TAB1: variants seen among roughly 807,000 people sequenced by gnomAD.
TAB1 encodes TGF-beta activated kinase 1 (MAP3K7) binding protein 1, also known as TGF-beta-activated kinase 1 and MAP3K7-binding protein 1.
In TAB1, 30 loss-of-function variants were observed where a neutral mutation model predicts 54.5. The observed-to-expected ratio is 0.55, with a 90% confidence interval of 0.41 to 0.75. The LOEUF is 0.75. Ranked by LOEUF, TAB1 falls within the 30% of genes least tolerant of loss-of-function variation. TAB1 has a pLI of 0.00. For missense variants in TAB1, 609 were observed against 683.2 expected (o/e 0.89, Z 1.21); for synonymous variants, 289 against 286.9 (o/e 1.01, Z -0.07).
intron 4 of TAB1, among the ~76,000 whole-genome samples, chr22:39,417,172 A>G (rs1290054515): frequency 6.6e-6 from 1 of 152,240 alleles, no homozygotes; most frequent in Non-Finnish European, 1.5e-5. Context: ...CACATCGCCT[A>G]CTGCCACCTG....
intron 5 of TAB1, 122 bp downstream of exon 5, chr22:39,417,971 G>C: frequency 7.7e-7 from 1 of 1,302,314 alleles, no homozygotes; most frequent in Non-Finnish European, 1.0e-6. Flanking sequence ...GGTCTCCTGA[G>C]ACCGTTGGGT....
intron 1 of TAB1, among the ~76,000 whole-genome samples, chr22:39,407,060 G>T (rs1233041777): frequency 6.6e-6 from 1 of 152,210 alleles, no homozygotes; most frequent in Non-Finnish European, 1.5e-5. Flanking sequence ...CAGTCTGGAA[G>T]GCTGGGATGA....
At chr22:39,424,365 C>A (rs1282099742) in intron 8 of TAB1, among the ~76,000 whole-genome samples, 5 of 151,338 alleles carry the variant, frequency 3.3e-5, no homozygotes, top group African/African-American at 1.2e-4. Context: ...GCCCAGACTG[C>A]TGGATTGAAT....
intron 1 of TAB1, among the ~76,000 whole-genome samples, chr22:39,413,468 G>A (rs1288369633): frequency 6.6e-6 from 1 of 151,514 alleles, no homozygotes; most frequent in Non-Finnish European, 1.5e-5. Context: ...CCAGGCTAGA[G>A]TGCAGTGGCA....
rs1467848758 is a variant in TAB1, at chr22:39,430,725, G to T, written c.*503G>T. On this transcript the variant is annotated 3_prime_UTR_variant, in exon 11 of 11. Coordinates refer to ENST00000216160, the MANE Select transcript of TAB1 (RefSeq NM_006116.3). ...CAGAGTGGAACCCAGGCTGGTGTCC[G>T]CATCTGTCCCTGGGCCCCACCCCTG... The T allele has an allele frequency of 2.9e-6, 3 of 1,024,174 alleles. No homozygotes were observed. The African/African-American group carries it at 5.0e-5, about 17-fold the overall frequency. 63.4% of individuals were successfully genotyped at this position (1,024,174 alleles called of 1,614,324 possible). A position where few individuals can be genotyped will look rare whatever the true frequency, so the allele number is the denominator to read the frequency against.
intron 1 of TAB1, among the ~76,000 whole-genome samples, chr22:39,414,521 C>T (rs1926738864): frequency 6.6e-6 from 1 of 152,260 alleles, no homozygotes; most frequent in Non-Finnish European, 1.5e-5. Context: ...CTGAAAGCAT[C>T]ACCCATGGGG....
At chr22:39,420,880 CTCTGTGTG>C (rs1275038073) in intron 7 of TAB1, among the ~76,000 whole-genome samples, 3 of 93,022 alleles carry the variant, frequency 3.2e-5, no homozygotes, top group Admixed American at 1.2e-4. Context: ...GGGTGTCTCT[CTCTGTGTG>C]TGTGTGTGTG....
At chr22:39,411,808 A>G (rs558850776) in intron 1 of TAB1, among the ~76,000 whole-genome samples, 2 of 152,372 alleles carry the variant, frequency 1.3e-5, no homozygotes, top group South Asian at 2.1e-4. Context: ...CATAGTTATA[A>G]GAAACGAAAC....
At chr22:39,422,914 A>C (rs2145676765) in intron 8 of TAB1, among the ~76,000 whole-genome samples, 1 of 152,006 alleles carries the variant, frequency 6.6e-6, no homozygotes, top group South Asian at 2.1e-4. Flanking sequence ...GGCTAAGATA[A>C]GTTCAGTTTG....
At chr22:39,412,706 G>A (rs1044097012) in intron 1 of TAB1, among the ~76,000 whole-genome samples, 10 of 151,980 alleles carry the variant, frequency 6.6e-5, no homozygotes, top group African/African-American at 2.2e-4. Context: ...GCTAACCACA[G>A]GCTTTTTATA....
At chr22:39,428,253 G>A (rs1458758950) in intron 10 of TAB1, 70 bp downstream of exon 10, 2 of 1,120,424 alleles carry the variant, frequency 1.8e-6, no homozygotes, top group African/African-American at 3.1e-5. Context: ...CACCAGGACA[G>A]AAATGGCCAT....
At chr22:39,412,228 C>T (rs1195213425) in intron 1 of TAB1, among the ~76,000 whole-genome samples, 1 of 152,128 alleles carries the variant, frequency 6.6e-6, no homozygotes, top group African/African-American at 2.4e-5. Flanking sequence ...TCAGTAGAGA[C>T]AGGGTTTCGC....
chr22:39,423,583 C>CCA (rs1156423966), intron 8 of TAB1, among the ~76,000 whole-genome samples: 2 of 152,112 alleles, frequency 1.3e-5, no homozygotes, highest in East Asian at 3.9e-4. Context: ...CCAGCCTGAG[C>CCA]AACAGAGCAA....
Position 39,417,750 on chromosome 22 carries a change from A to G in TAB1, c.451A>G (p.Ile151Val), listed in dbSNP as rs1926900299. The G allele has an allele frequency of 6.2e-7, 1 of 1,613,064 alleles. No homozygotes were observed. Among genetic ancestry groups the G allele is most frequent in the Non-Finnish European group, 8.5e-7 (1 of 1,179,542 alleles). ...CCAGCTGCCTCCTCAGTATCAGAAG[A>G]TCCTTGAGAGACTCAAGACGTTAGA... The part of the protein sequence containing the change: ...QHQLPPQYQK[I>V]LERLKTLERE... Residue 151 changes from isoleucine to valine, a missense_variant, in exon 5 of 11, where the codon ATC becomes GTC. Coordinates refer to ENST00000216160, the MANE Select transcript of TAB1 (RefSeq NM_006116.3).
At chr22:39,418,936 G>C (rs2145671867) in intron 6 of TAB1, 91 bp downstream of exon 6, 1 of 1,054,532 alleles carries the variant, frequency 9.5e-7, no homozygotes, top group East Asian at 2.5e-5. Flanking sequence ...TGTGGTAGAG[G>C]GGCTGTGATC....
At chr22:39,429,193 G>A in intron 10 of TAB1, 2 of 985,466 alleles carry the variant, frequency 2.0e-6, no homozygotes, top group Non-Finnish European at 2.4e-6. Flanking sequence ...GCGCTAACAG[G>A]CAGTTCCAGC....
At position 39,430,710 on chromosome 22, in the gene TAB1, C is replaced by T. The variant is rs1293904295; in HGVS notation, c.*488C>T. 3 of 1,028,934 alleles carry T rather than the reference C, an allele frequency of 2.9e-6. No individual in the cohort carries two copies. The African/African-American group carries it at 5.0e-5, about 17-fold the overall frequency. 63.7% of individuals were successfully genotyped at this position (1,028,934 alleles called of 1,614,324 possible). A position where few individuals can be genotyped will look rare whatever the true frequency, so the allele number is the denominator to read the frequency against. The stretch of plus-strand genomic sequence containing the variant: ...CTGTGCTCCTGCATCCAGAGTGGAA[C>T]CCAGGCTGGTGTCCGCATCTGTCCC... On this transcript the variant is annotated 3_prime_UTR_variant, in exon 11 of 11. Transcript: ENST00000216160.
chr22:39,415,283 C>A lies in TAB1; in HGVS notation c.170+141C>A, dbSNP rs930917447. Reference sequence around the variant, plus strand: ...AGAGGTGGCCTCTGCTGCTGTCTTGCCAAGGGCCTGCTCTGATGGGGTAGC... The same window carrying A: ...AGAGGTGGCCTCTGCTGCTGTCTTGACAAGGGCCTGCTCTGATGGGGTAGC... On this transcript the variant is annotated intron_variant, in intron 2 of 10. Coordinates refer to ENST00000216160, the MANE Select transcript of TAB1 (RefSeq NM_006116.3). The surrounding 1 kb of genome is among the most constrained non-coding windows in gnomAD (Gnocchi z 4.9). The A allele has an allele frequency of 8.5e-6, 10 of 1,179,330 alleles. No homozygotes were observed. In the South Asian group the frequency reaches 1.4e-4, roughly 16 times the overall value. The allele number at this position is 1,179,330 out of a possible 1,614,324, so 73.1% of individuals were successfully genotyped here.
At chr22:39,424,657 AG>A (rs1322231529) in intron 8 of TAB1, among the ~76,000 whole-genome samples, 2 of 152,038 alleles carry the variant, frequency 1.3e-5, no homozygotes, top group African/African-American at 4.8e-5. Context: ...CTTTTTGGCC[AG>A]GCTTATCTTG....
Sources: allele counts gnomAD v4.1 joint callset (sites outside exome capture counted in the v4.1 genomes callset), GRCh38; gene constraint gnomAD v4.1.1; non-coding constraint Gnocchi (gnomAD v3.1); transcripts MANE v1.5; gene names NCBI Gene and HGNC (gene_info 2026-07-23, HGNC 2026-07-21).